Variants in NGLY1 observed in about 807,000 individuals in gnomAD.
NGLY1 encodes peptide-N(4)-(N-acetyl-beta-glucosaminyl)asparagine amidase.
In NGLY1, 68 loss-of-function variants were observed where a neutral mutation model predicts 84.6. The ratio of observed to expected loss-of-function variants is 0.80; its 90% CI spans 0.66 to 0.98. The LOEUF (loss-of-function observed/expected upper bound fraction) is 0.98. NGLY1 is among the 50% of genes least tolerant of loss of function. The probability of loss-of-function intolerance (pLI) is 0.00; values close to 1 mark genes in which losing one functional copy is unlikely to be tolerated. For missense variants in NGLY1, 779 were observed against 770.2 expected, an observed-to-expected ratio of 1.01 and a Z score of -0.14; for synonymous variants, 280 against 275.2, an observed-to-expected ratio of 1.02 and a Z score of -0.17.
rs571935307 is a variant in NGLY1 at position 25,742,614 on chromosome 3, T to G, written c.659-2815A>C. Among the ~76,000 whole-genome samples the G allele has an allele frequency of 2.6e-5, 4 of 152,284 alleles. No homozygotes were observed. The East Asian group carries it at 7.7e-4, about 29-fold the overall frequency. ...GGAAGATATTCATGAATTAGTTACA[T>G]TAAAAACAAAGTTTTAGAAACAGAG... is the stretch of plus-strand genomic sequence containing the variant. On this transcript the variant is annotated intron_variant, in intron 4 of 11. Coordinates refer to ENST00000280700, the MANE Select transcript of NGLY1 (RefSeq NM_018297.4).
chr3:25,783,136 G>A lies in NGLY1; in HGVS notation c.131+124C>T, dbSNP rs1708497696. ...GACGTTAGGAGCAGAACCAGCTCCA[G>A]GTCCCGGTCTGTCCGGGCGTCGCTG... On this transcript the variant is annotated intron_variant, in intron 1 of 11. Coordinates refer to ENST00000280700, the MANE Select transcript of NGLY1 (RefSeq NM_018297.4). This position sits in a 1 kb window ranked among gnomAD's most constrained non-coding sequence, Gnocchi z 4.5. The A allele has an allele frequency of 1.1e-6, 1 of 892,238 alleles. No individual in the cohort carries two copies. Among genetic ancestry groups the A allele is most frequent in the Non-Finnish European group, 1.7e-6 (1 of 593,104 alleles). 55.3% of individuals were successfully genotyped at this position (892,238 alleles called of 1,614,324 possible).
At chr3:25,737,211 A>G (rs1705871889) in intron 6 of NGLY1, 123 bp downstream of exon 6, 1 of 738,270 alleles carries the variant, frequency 1.4e-6, no homozygotes, top group Non-Finnish European at 2.1e-6. Flanking sequence ...GTTTTACACA[A>G]GGCAAATGGA....
rs766094136 is a variant in NGLY1, at chr3:25,783,418, G to A, written c.-28C>T. ...TTGAGCGCCAGCGGGCGCCGCCGCC[G>A]CCCCTCGCTCTCCGCGTCCCACACT... On this transcript the variant is annotated 5_prime_UTR_variant, in exon 1 of 12. Transcript: ENST00000280700. The surrounding 1 kb of genome is among the most constrained non-coding windows in gnomAD (Gnocchi z 4.5). 118 of 1,519,214 alleles carry A rather than the reference G, an allele frequency of 7.8e-5. No homozygotes were observed. In the African/African-American group the frequency reaches 1.4e-3, roughly 18 times the overall value. 94.1% of individuals were successfully genotyped at this position (1,519,214 alleles called of 1,614,324 possible).
intron 3 of NGLY1, among the ~76,000 whole-genome samples, chr3:25,760,185 C>G (rs979968332): frequency 2.0e-5 from 3 of 151,980 alleles, no homozygotes; most frequent in African/African-American, 7.3e-5. Context: ...TATGAAAGCA[C>G]CCATAATTTC....
At position 25,735,947 on chromosome 3, in the gene NGLY1, T is replaced by C. The variant is rs779300207; in HGVS notation, c.1149+57A>G. On this transcript the variant is annotated intron_variant, in intron 7 of 11. Transcript: ENST00000280700. The stretch of plus-strand genomic sequence containing the variant: ...TAATTATACATTCATGAAGCTGTCA[T>C]AAAAGAAAAAAATATATTTTACTTT... The C allele has an allele frequency of 3.8e-5, 54 of 1,415,534 alleles. No individual in the cohort carries two copies. The Middle Eastern group carries it at 7.3e-4, about 19-fold the overall frequency. The allele number at this position is 1,415,534 out of a possible 1,614,324, so 87.7% of individuals were successfully genotyped here. A position where few individuals can be genotyped will look rare whatever the true frequency, so the allele number is the denominator to read the frequency against.
chr3:25,729,116 T>G lies in NGLY1; in HGVS notation c.1611+17A>C, dbSNP rs370336045. 28 of 1,405,244 alleles carry G rather than the reference T, an allele frequency of 2.0e-5. No homozygotes were observed. In the South Asian group the frequency reaches 4.6e-4, roughly 23 times the overall value. The allele number at this position is 1,405,244 out of a possible 1,614,324, so 87.0% of individuals were successfully genotyped here. Reference sequence around the variant, plus strand: ...AACAATGACAAAAGTTTTAAATGGTTTTATGCATTAAGTTACCATGTGCCA... The same window carrying G: ...AACAATGACAAAAGTTTTAAATGGTGTTATGCATTAAGTTACCATGTGCCA... On this transcript the variant is annotated intron_variant, in intron 10 of 11. Coordinates refer to ENST00000280700, the MANE Select transcript of NGLY1 (RefSeq NM_018297.4).
At chr3:25,751,341 T>C in intron 3 of NGLY1, 78 bp from the exon 4 acceptor site, 2 of 1,215,590 alleles carry the variant, frequency 1.6e-6, no homozygotes, top group Non-Finnish European at 2.2e-6. Flanking sequence ...AAACTGTGGT[T>C]TTATGATTTT....
Position 25,783,361 on chromosome 3 carries a change from TGAG to T in NGLY1, c.27_29del (p.Ser10del). On this transcript the variant is annotated inframe_deletion, in exon 1 of 12. Coordinates refer to ENST00000280700, the MANE Select transcript of NGLY1 (RefSeq NM_018297.4). The surrounding 1 kb of genome is among the most constrained non-coding windows in gnomAD (Gnocchi z 4.5). ...CAGCCACGGCCGGGGACGCCGAGCC[TGAG>T]GAGCTGCCCAATGCCGCCGCCGCCA... 6.4e-7 allele frequency: 1 copy of T among 1,561,292 alleles called. No individual in the cohort carries two copies. The highest frequency in any genetic ancestry group is 2.4e-5 in the East Asian group (1 of 41,224).
chr3:25,755,740 T>TAGTTCAGTATATTGG, intron 3 of NGLY1: 1 of 984,818 alleles, frequency 1.0e-6, no homozygotes, highest in Non-Finnish European at 1.5e-6. Context: ...CCCAATATAC[T>TAGTTCAGTATATTGG]GAACTAGAAT....
intron 10 of NGLY1, among the ~76,000 whole-genome samples, chr3:25,726,257 A>G (rs902180777): frequency 1.3e-5 from 2 of 152,204 alleles, no homozygotes; most frequent in Non-Finnish European, 2.9e-5. Flanking sequence ...AATCTTTACT[A>G]AACACTTACT....
At chr3:25,759,917 AAC>A (rs71624610) in intron 3 of NGLY1, among the ~76,000 whole-genome samples, 8,462 of 41,738 alleles carry the variant, frequency 0.2, 434 homozygotes, top group Middle Eastern at 0.28. Flanking sequence ...TAGTTAAAAA[AAC>A]ACACACACAC....
intron 2 of NGLY1, among the ~76,000 whole-genome samples, chr3:25,770,163 T>G (rs558100617): frequency 2.7e-4 from 41 of 152,344 alleles, no homozygotes; most frequent in African/African-American, 9.6e-4. Flanking sequence ...TCCACTTTTT[T>G]GTTTGAGACA....
At chr3:25,741,248 G>A (rs1200996966) in intron 4 of NGLY1, among the ~76,000 whole-genome samples, 3 of 151,574 alleles carry the variant, frequency 2.0e-5, no homozygotes, top group Non-Finnish European at 4.4e-5. Flanking sequence ...TTTGCCTACC[G>A]TGTATCAAGA....
chr3:25,737,250 C>CA lies in NGLY1; in HGVS notation c.1003+83dup, dbSNP rs753530147. 5.2e-5 allele frequency: 63 copies of CA among 1,204,614 alleles called. No homozygotes were observed. The Middle Eastern group carries it at 3.5e-3, about 68-fold the overall frequency. The allele number at this position is 1,204,614 out of a possible 1,614,324, so 74.6% of individuals were successfully genotyped here. ...TCAGACTGACAAGGCCAAAAAGTAA[C>CA]AGAGAATCATGGGCTCAGAATGTAA... is the stretch of plus-strand genomic sequence containing the variant. On this transcript the variant is annotated intron_variant, in intron 6 of 11. Transcript: ENST00000280700.
rs920352938 is a variant in NGLY1, at chr3:25,739,621, T to C, written c.837A>G (p.Glu279=). The C allele has an allele frequency of 2.5e-6, 4 of 1,614,036 alleles. No homozygotes were observed. The highest frequency in any genetic ancestry group is 1.7e-5 in the Admixed American group (1 of 59,992). Residue 279 remains glutamate, a synonymous_variant, in exon 5 of 12, where the codon GAA becomes GAG. Coordinates refer to ENST00000280700, the MANE Select transcript of NGLY1 (RefSeq NM_018297.4). ...ACTGGCAGGCATCACAGTAATGATC[T>C]TCCACTTCCTTTGCACCCCACTTCA... ...DELKWGAKEV[E]DHYCDACQFS... is the part of the protein sequence containing the mutation.
Position 25,782,941 on chromosome 3 carries a change from TG to T in NGLY1, c.131+318del, listed in dbSNP as rs1489358114. 1.0e-5 allele frequency: 3 copies of T among 291,944 alleles called. No homozygotes were observed. In the East Asian group the frequency reaches 2.6e-4, roughly 25 times the overall value. The allele number at this position is 291,944 out of a possible 1,614,324, so 18.1% of individuals were successfully genotyped here. ...CGTTAAACGACGAGAAGAGCGGCAG[TG>T]TCTGAAGCACGCCTTCCTACCTCTC... On this transcript the variant is annotated intron_variant, in intron 1 of 11. Transcript: ENST00000280700.
At position 25,783,101 on chromosome 3, in the gene NGLY1, G is replaced by A. The variant is rs867192269; in HGVS notation, c.131+159C>T. 1.6e-6 allele frequency: 1 copy of A among 626,478 alleles called. No individual in the cohort carries two copies. The highest frequency in any genetic ancestry group is 2.6e-6 in the Non-Finnish European group (1 of 379,186). The allele number at this position is 626,478 out of a possible 1,614,324, so 38.8% of individuals were successfully genotyped here. On this transcript the variant is annotated intron_variant, in intron 1 of 11. Coordinates refer to ENST00000280700, the MANE Select transcript of NGLY1 (RefSeq NM_018297.4). The surrounding 1 kb of genome is among the most constrained non-coding windows in gnomAD (Gnocchi z 4.5). ...TGGCCGGGTCCCGAGGCCCCTGGCC[G>A]GCGGGCTCGGACGTTAGGAGCAGAA...
At chr3:25,749,794 T>C (rs1575633334) in intron 4 of NGLY1, 1 of 1,328,876 alleles carries the variant, frequency 7.5e-7, no homozygotes, top group South Asian at 1.2e-5. Flanking sequence ...TTGCTCACAA[T>C]GTTTCCTCCA....
chr3:25,727,847 G>A (rs1015919584), intron 10 of NGLY1, among the ~76,000 whole-genome samples: 18 of 152,018 alleles, frequency 1.2e-4, no homozygotes, highest in African/African-American at 4.1e-4. Context: ...CTGGTTAGGA[G>A]GAAACACATG....
Sources: gnomAD v4.1 joint callset for allele counts (sites outside exome capture counted in the v4.1 genomes callset) on GRCh38, gnomAD v4.1.1 for gene constraint, Gnocchi (gnomAD v3.1) non-coding constraint, MANE v1.5 for transcripts, NCBI Gene and HGNC (gene_info 2026-07-23, HGNC 2026-07-21) for gene names.